The following PCNT variants were observed in gnomAD, a reference collection of about 807,000 sequenced individuals.
PCNT encodes the protein kendrin.
A neutral mutation model predicts 380.4 loss-of-function variants in PCNT; 319 were observed. That is an observed-to-expected ratio of 0.84 (90% CI 0.77 to 0.92). The LOEUF (loss-of-function observed/expected upper bound fraction) is 0.92, where lower values mean the gene tolerates loss of function less well. Among genes scored for constraint, PCNT ranks in the 40% least tolerant of loss-of-function variants. The probability of loss-of-function intolerance (pLI) is 0.00; values close to 1 mark genes in which losing one functional copy is unlikely to be tolerated. For synonymous variants in PCNT, 1,845 were observed against 1,735.2 expected (o/e 1.06, Z -1.57); for missense variants, 4,400 against 4,255.3 (o/e 1.03, Z -0.95).
At chr21:46,372,230 A>G (rs2085170937) in intron 15 of PCNT, among the ~76,000 whole-genome samples, 1 of 151,920 alleles carries the variant, frequency 6.6e-6, no homozygotes, top group Non-Finnish European at 1.5e-5. Flanking sequence ...ACATGTGCAC[A>G]CACAGCACAT....
chr21:46,442,641 C>T, intron 44 of PCNT, 68 bp downstream of exon 44: 2 of 1,015,620 alleles, frequency 2.0e-6, no homozygotes, highest in South Asian at 2.6e-5. Context: ...TTTTCATTCA[C>T]TTTGGGTCAT....
intron 3 of PCNT, among the ~76,000 whole-genome samples, chr21:46,338,778 G>GTATTTATT (rs994666322): frequency 2.7e-5 from 4 of 150,400 alleles, no homozygotes; most frequent in Non-Finnish European, 5.9e-5. Flanking sequence ...GCTAATTTTT[G>GTATTTATT]TATTTATTTA....
intron 37 of PCNT, chr21:46,430,878 A>G (rs1279888650): frequency 1.0e-5 from 10 of 985,234 alleles, no homozygotes; most frequent in South Asian, 4.7e-5. Flanking sequence ...TGGTGGCACG[A>G]TACCCCTGCT....
intron 13 of PCNT, among the ~76,000 whole-genome samples, chr21:46,357,975 G>A (rs979408367): frequency 3.9e-5 from 6 of 152,232 alleles, no homozygotes; most frequent in African/African-American, 1.2e-4. Context: ...AAAGCAACAC[G>A]ACAGCAGCCT....
intron 42 of PCNT, 135 bp downstream of exon 42, chr21:46,440,337 C>T (rs2053573676): frequency 1.1e-6 from 1 of 921,574 alleles, no homozygotes; most frequent in East Asian, 2.4e-5. Flanking sequence ...AAGGAAAGGA[C>T]GTTCACAGAA....
At chr21:46,422,417 T>TCCCGCCTGTGC (rs1569286150) in intron 32 of PCNT, among the ~76,000 whole-genome samples, 3 of 136,200 alleles carry the variant, frequency 2.2e-5, no homozygotes, top group African/African-American at 1.0e-4. Flanking sequence ...CCTGTGCCTC[T>TCCCGCCTGTGC]CTCCCGCCTG....
intron 24 of PCNT, among the ~76,000 whole-genome samples, chr21:46,399,335 GCAGCCTGTGGGTCTAGGTCTCTGTT>G (rs2086337102): frequency 1.3e-5 from 2 of 152,032 alleles, no homozygotes; most frequent in Non-Finnish European, 2.9e-5. Flanking sequence ...GTCTCCCTGT[GCAGCCTGTGGGTCTAGGTCTCTGTT>G]CAGCCTGTGG....
intron 27 of PCNT, among the ~76,000 whole-genome samples, chr21:46,405,095 G>C (rs547727642): frequency 6.6e-6 from 1 of 152,070 alleles, no homozygotes; most frequent in Admixed American, 6.5e-5. Flanking sequence ...AAAAAATTTA[G>C]CCAGGCATAC....
chr21:46,344,782 C>G (rs1025326161), intron 3 of PCNT, among the ~76,000 whole-genome samples: 4 of 152,218 alleles, frequency 2.6e-5, no homozygotes, highest in Non-Finnish European at 5.9e-5. Flanking sequence ...CGACGGGCCC[C>G]CTGCAGCTTT....
At chr21:46,414,271 C>T (rs112037421) in intron 29 of PCNT, among the ~76,000 whole-genome samples, 27,036 of 152,092 alleles carry the variant, frequency 0.18, 4,453 homozygotes, top group African/African-American at 0.44. Context: ...GGATTACAGG[C>T]GTGAGCCACC....
At chr21:46,427,893 G>A (rs943761809) in intron 34 of PCNT, 98 bp downstream of exon 34, 3 of 1,374,594 alleles carry the variant, frequency 2.2e-6, no homozygotes, top group Admixed American at 1.8e-5. Flanking sequence ...ATTTCGGTTT[G>A]TGTGTTTCTC....
rs1469096559 is a variant in PCNT at position 46,362,870 on chromosome 21, A to G, written c.2155-610A>G. On this transcript the variant is annotated intron_variant, in intron 13 of 46. Coordinates refer to ENST00000359568, the MANE Select transcript of PCNT (RefSeq NM_006031.6). ...CCTGGGCGACAGACCCTGTCTCAAA[A>G]AAAAAAAAAAGATTAGGATATTTGC... 2.0e-5 allele frequency among the ~76,000 whole-genome samples: 3 copies of G among 152,158 alleles called. No homozygotes were observed. In the East Asian group the frequency reaches 5.8e-4, roughly 29 times the overall value.
At chr21:46,359,070 A>C (rs1270087993) in intron 13 of PCNT, among the ~76,000 whole-genome samples, 1 of 152,112 alleles carries the variant, frequency 6.6e-6, no homozygotes, top group Non-Finnish European at 1.5e-5. Flanking sequence ...AGCCTCCCAA[A>C]GTGTTGGGAT....
At chr21:46,336,890 CAGG>C (rs2083755908) in intron 3 of PCNT, among the ~76,000 whole-genome samples, 2 of 151,982 alleles carry the variant, frequency 1.3e-5, no homozygotes, top group African/African-American at 4.8e-5. Context: ...CCCTCCCCCC[CAGG>C]TTTATTTGCA....
intron 15 of PCNT, among the ~76,000 whole-genome samples, chr21:46,375,873 G>A (rs541047703): frequency 9.2e-5 from 14 of 152,362 alleles, no homozygotes; most frequent in East Asian, 1.9e-4. Context: ...AGGGCCAAGC[G>A]TGGACAGTTA....
chr21:46,429,455 G>A (rs2087657056), intron 35 of PCNT, among the ~76,000 whole-genome samples: 1 of 150,220 alleles, frequency 6.7e-6, no homozygotes, highest in African/African-American at 2.5e-5. Context: ...GCACAGGGGG[G>A]CCGGCACTGT....
chr21:46,363,891 G>A lies in PCNT; in HGVS notation c.2566G>A (p.Val856Met), dbSNP rs143023746. 216 of 1,611,828 alleles carry A rather than the reference G, an allele frequency of 1.3e-4. 1 individual carries two copies. In the Admixed American group the frequency reaches 3.1e-3, roughly 24 times the overall value. The change falls in exon 14 of 47, where the codon GTG (valine) becomes ATG (methionine). Residue 856 changes from valine (V) to methionine (M), a missense_variant. By Grantham distance (21) the Val-to-Met change is conservative. Transcript: ENST00000359568. ...GGACGGGGAGCTTGCTGCGCTCCAC[G>A]TGAAGGAAGACTGCGCCCTGCAGCT... ...AQDGELAALH[V>M]KEDCALQLML...
chr21:46,416,782 A>C lies in PCNT; in HGVS notation c.6864A>C (p.Ala2288=). 4 of 1,602,840 alleles carry C rather than the reference A, an allele frequency of 2.5e-6. No individual in the cohort carries two copies. The highest frequency in any genetic ancestry group is 3.4e-6 in the Non-Finnish European group (4 of 1,178,886). ...CAGGCGTGTCTGCAGCAGCGCTGGC[A>C]CTGCAGTGGGCCGAGTCTCCGCCGG... ...CSPGVSAAAL[A]LQWAESPPAD... is the part of the protein sequence containing the mutation. Residue 2288 remains alanine (A), a synonymous_variant, in exon 30 of 47, where the codon GCA becomes GCC. Coordinates refer to ENST00000359568, the MANE Select transcript of PCNT (RefSeq NM_006031.6).
chr21:46,428,592 T>C lies in PCNT; in HGVS notation c.7690+2T>C. 1 of 1,592,264 alleles carries C rather than the reference T, an allele frequency of 6.3e-7. No individual in the cohort carries two copies. Among genetic ancestry groups the C allele is most frequent in the Non-Finnish European group, 8.5e-7 (1 of 1,176,004 alleles). On this transcript the variant is annotated splice_donor_variant, in intron 35 of 46. Transcript: ENST00000359568. LOFTEE classifies it high-confidence loss of function. ...AGGAGCACCAGCTGCGCAGGCAGGG[T>C]GGGTGTCACTGTCTACACTGCCTGG...
Sources: allele counts gnomAD v4.1 joint callset (sites outside exome capture counted in the v4.1 genomes callset), GRCh38; gene constraint gnomAD v4.1.1; transcripts MANE v1.5; gene names NCBI Gene and HGNC (gene_info 2026-07-23, HGNC 2026-07-21).